Variants in NTRK2 observed in about 807,000 individuals in gnomAD.
The protein encoded by NTRK2 is BDNF/NT-3 growth factors receptor.
A neutral mutation model predicts 94.5 loss-of-function variants in NTRK2; 13 were observed. That is an observed-to-expected ratio of 0.14 (90% CI 0.09 to 0.22). The LOEUF (loss-of-function observed/expected upper bound fraction) is 0.22. NTRK2 is among the 10% of genes least tolerant of loss of function. The pLI, the probability that NTRK2 is intolerant of heterozygous loss-of-function variation, is 1.00. For missense variants in NTRK2, 639 were observed against 1,071.2 expected (o/e 0.60, Z 5.63); for synonymous variants, 372 against 407.4 (o/e 0.91, Z 1.05).
Position 84,675,731 on chromosome 9 carries a change from T to A in NTRK2, c.212+4771T>A, listed in dbSNP as rs1337227381. 2.6e-5 allele frequency among the ~76,000 whole-genome samples: 4 copies of A among 152,194 alleles called. No homozygotes were observed. The South Asian group carries it at 8.3e-4, about 32-fold the overall frequency. On this transcript the variant is annotated intron_variant, in intron 2 of 18. Coordinates refer to ENST00000277120, the MANE Select transcript of NTRK2 (RefSeq NM_006180.6). ...ATTATTTATGGTTGATCAATCATTT[T>A]TATAGTCTACTTGGTTGAGCTATTT...
At chr9:84,863,848 A>G (rs2075443500) in intron 13 of NTRK2, among the ~76,000 whole-genome samples, 1 of 152,230 alleles carries the variant, frequency 6.6e-6, no homozygotes, top group Admixed American at 6.5e-5. Flanking sequence ...TGGCAAAGTG[A>G]AAAGGCTTTT....
intron 17 of NTRK2, among the ~76,000 whole-genome samples, chr9:85,006,364 T>G (rs1830958824): frequency 6.6e-6 from 1 of 152,112 alleles, no homozygotes; most frequent in South Asian, 2.1e-4. Context: ...AAGTTAGACC[T>G]CTTTTTATTA....
chr9:84,672,757 A>G (rs775251775), intron 2 of NTRK2, among the ~76,000 whole-genome samples: 10 of 152,206 alleles, frequency 6.6e-5, no homozygotes, highest in Non-Finnish European at 1.3e-4. Context: ...CTAAAAAATT[A>G]TTATTTCAGA....
intron 14 of NTRK2, among the ~76,000 whole-genome samples, chr9:84,895,346 A>G (rs769545196): frequency 1.3e-5 from 2 of 152,196 alleles, no homozygotes; most frequent in Non-Finnish European, 2.9e-5. Context: ...GCAGCCTTTC[A>G]TAAAAGTCTT....
intron 14 of NTRK2, among the ~76,000 whole-genome samples, chr9:84,906,841 G>A (rs1304501090): frequency 6.6e-6 from 1 of 152,186 alleles, no homozygotes; most frequent in African/African-American, 2.4e-5. Flanking sequence ...GCTTCTTTAA[G>A]TATTCCTTTG....
intron 4 of NTRK2, among the ~76,000 whole-genome samples, chr9:84,706,265 G>C (rs1277277981): frequency 3.3e-5 from 5 of 152,102 alleles, no homozygotes; most frequent in African/African-American, 7.2e-5. Context: ...GATGAGTGGA[G>C]ATCTTAATAT....
Position 84,799,672 on chromosome 9 carries a change from A to G in NTRK2, c.1396+47587A>G, listed in dbSNP as rs1047154805. Among the ~76,000 whole-genome samples the G allele has an allele frequency of 2.0e-5, 3 of 152,096 alleles. No homozygotes were observed. The East Asian group carries it at 5.8e-4, about 29-fold the overall frequency. On this transcript the variant is annotated intron_variant, in intron 12 of 18. Coordinates refer to ENST00000277120, the MANE Select transcript of NTRK2 (RefSeq NM_006180.6). The stretch of plus-strand genomic sequence containing the variant: ...TTTTTGATGTTCAGCATGGGAGGGC[A>G]TTTTCACTATAGTTCCTTGCTATGA...
intron 12 of NTRK2, among the ~76,000 whole-genome samples, chr9:84,850,412 G>A (rs918055438): frequency 5.3e-5 from 8 of 152,132 alleles, no homozygotes; most frequent in Admixed American, 4.6e-4. Context: ...TTTATTAAAG[G>A]TATGCAAACT....
At chr9:84,972,724 T>G (rs1387716745) in intron 17 of NTRK2, among the ~76,000 whole-genome samples, 1 of 152,202 alleles carries the variant, frequency 6.6e-6, no homozygotes, top group Non-Finnish European at 1.5e-5. Context: ...TTCATTAGTT[T>G]TGAAGATGGT....
intron 14 of NTRK2, among the ~76,000 whole-genome samples, chr9:84,925,724 A>C (rs1457316938): frequency 2.0e-5 from 3 of 152,166 alleles, no homozygotes; most frequent in African/African-American, 7.2e-5. Flanking sequence ...GCCCGCCCTC[A>C]GCTCTGTACC....
chr9:84,890,318 C>T (rs1030707943), intron 14 of NTRK2, among the ~76,000 whole-genome samples: 2 of 152,162 alleles, frequency 1.3e-5, no homozygotes, highest in African/African-American at 4.8e-5. Flanking sequence ...TGGCCGTGAC[C>T]CTTACCGTCC....
chr9:84,689,173 T>C (rs1003022537), intron 2 of NTRK2, among the ~76,000 whole-genome samples: 2 of 152,190 alleles, frequency 1.3e-5, no homozygotes, highest in South Asian at 2.1e-4. Context: ...CTCTGTGAGG[T>C]TGGGAGGACT....
chr9:85,015,712 A>G (rs1357621050), intron 17 of NTRK2, among the ~76,000 whole-genome samples: 1 of 152,190 alleles, frequency 6.6e-6, no homozygotes, highest in East Asian at 1.9e-4. Context: ...CTGCAGCAGG[A>G]AGGGAGAGTT....
intron 17 of NTRK2, among the ~76,000 whole-genome samples, chr9:85,004,092 A>AAGGAAGGGAGGAAGGG (rs1264047338): frequency 7.0e-6 from 1 of 142,214 alleles, no homozygotes; most frequent in African/African-American, 2.6e-5. Flanking sequence ...GGGAGAGAGA[A>AAGGAAGGGAGGAAGGG]AGGAAGGGAG....
intron 14 of NTRK2, chr9:84,871,840 T>G: frequency 6.2e-7 from 1 of 1,613,652 alleles, no homozygotes; most frequent in Non-Finnish European, 8.5e-7. Flanking sequence ...ATTTGGAGGC[T>G]CCTGTGTCAC....
intron 14 of NTRK2, among the ~76,000 whole-genome samples, chr9:84,893,011 C>G (rs1051379934): frequency 2.0e-5 from 3 of 147,754 alleles, no homozygotes; most frequent in African/African-American, 5.0e-5. Flanking sequence ...TCCTTCTTTC[C>G]TTCTCTCTGT....
At position 84,999,241 on chromosome 9, in the gene NTRK2, G is replaced by C. The variant is rs116478263; in HGVS notation, c.2173-20965G>C. ...AGAGTTTTCTCTTTTACAATTGCCT[G>C]GGCTCCTTGAAGCTTGTGATAACAT... On this transcript the variant is annotated intron_variant, in intron 17 of 18. Coordinates refer to ENST00000277120, the MANE Select transcript of NTRK2 (RefSeq NM_006180.6). Among the ~76,000 whole-genome samples the C allele has an allele frequency of 4.2e-3, 641 of 152,240 alleles. 5 individuals are homozygous for C. Among genetic ancestry groups the C allele is most frequent in the African/African-American group, 0.015 (612 of 41,536 alleles).
intron 12 of NTRK2, chr9:84,813,849 A>C (rs2072081179): frequency 9.4e-7 from 1 of 1,065,524 alleles, no homozygotes; most frequent in African/African-American, 1.6e-5. Flanking sequence ...GGGTGCCCTT[A>C]ATGTGGTCCA....
chr9:84,884,233 G>A (rs1287936388), intron 14 of NTRK2, among the ~76,000 whole-genome samples: 2 of 152,170 alleles, frequency 1.3e-5, no homozygotes, highest in African/African-American at 4.8e-5. Context: ...AACTATCAGA[G>A]CTGCTTCAAT....
Sources: allele counts gnomAD v4.1 joint callset (sites outside exome capture counted in the v4.1 genomes callset), GRCh38; gene constraint gnomAD v4.1.1; transcripts MANE v1.5; gene names NCBI Gene and HGNC (gene_info 2026-07-23, HGNC 2026-07-21).